Variants in GLTP observed in about 807,000 individuals in gnomAD.
GLTP encodes the protein glycolipid transfer protein.
In GLTP, 22 loss-of-function variants were observed where a neutral mutation model predicts 24.0. That is an observed-to-expected ratio of 0.92 (90% confidence interval 0.65 to 1.31). The LOEUF (loss-of-function observed/expected upper bound fraction) is 1.31, where lower values mean the gene tolerates loss of function less well. Among genes scored for constraint, GLTP ranks in the 50% most tolerant of loss-of-function variants. The pLI is 0.00. For synonymous variants in GLTP, 92 were observed against 115.9 expected (o/e 0.79, Z 1.33); for missense variants, 224 against 276.6 (o/e 0.81, Z 1.35).
rs961796485 is a variant in GLTP, at chr12:109,873,063, C to T, written c.103+7209G>A. 6.6e-5 allele frequency among the ~76,000 whole-genome samples: 10 copies of T among 152,160 alleles called. No individual in the cohort carries two copies. In the South Asian group the frequency reaches 1.2e-3, roughly 19 times the overall value. Reference sequence around the variant, plus strand: ...TTTTTAGCTCCTCAGCTATCATTAGCGTTAGTGTATTTCATGTGTGGCCCA... The same window carrying T: ...TTTTTAGCTCCTCAGCTATCATTAGTGTTAGTGTATTTCATGTGTGGCCCA... On this transcript the variant is annotated intron_variant, in intron 1 of 4. Transcript: ENST00000318348.
At position 109,880,434 on chromosome 12, in the gene GLTP, C is replaced by G. The variant is rs1303925987; in HGVS notation, c.-60G>C. ...GCGCCGCGGGCGTCGACACCGCCCC[C>G]CCGGCCGCCGCCGTCAGCGCCGGGG... is the stretch of plus-strand genomic sequence containing the variant. On this transcript the variant is annotated 5_prime_UTR_variant, in exon 1 of 5. Transcript: ENST00000318348. The surrounding 1 kb of genome is among the most constrained non-coding windows in gnomAD (Gnocchi z 5.1). 2 of 738,552 alleles carry G rather than the reference C, an allele frequency of 2.7e-6. No homozygotes were observed. The highest frequency in any genetic ancestry group is 3.8e-5 in the African/African-American group (2 of 53,018). 45.7% of individuals were successfully genotyped at this position (738,552 alleles called of 1,614,324 possible). A position where few individuals can be genotyped will look rare whatever the true frequency, so the allele number is the denominator to read the frequency against.
intron 4 of GLTP, among the ~76,000 whole-genome samples, chr12:109,854,348 AGAGT>A (rs1892767594): frequency 7.3e-6 from 1 of 137,350 alleles, no homozygotes; most frequent in South Asian, 2.4e-4. Flanking sequence ...CGACAGCGAC[AGAGT>A]GAGACCCTGT....
In GLTP at chr12:109,852,373, C is replaced by CAAA. The variant is rs56313678; in HGVS notation, c.*179_*181dup. 0.031 allele frequency: 8,803 copies of CAAA among 282,086 alleles called. 47 individuals are homozygous for CAAA. Among genetic ancestry groups the CAAA allele is most frequent in the South Asian group, 0.075 (1,442 of 19,218 alleles). The allele number at this position is 282,086 out of a possible 1,614,324, so 17.5% of individuals were successfully genotyped here. ...TATTTACTGGTCCTTTAGAATAGAC[C>CAAA]AAAAAAAAAAAAAAAAAAGACTTAA... On this transcript the variant is annotated 3_prime_UTR_variant, in exon 5 of 5. Coordinates refer to ENST00000318348, the MANE Select transcript of GLTP (RefSeq NM_016433.4).
Position 109,852,388 on chromosome 12 carries a change from A to AG in GLTP, c.*166_*167insC. ...TAGAATAGACCAAAAAAAAAAAAAA[A>AG]AAAGACTTAAAAAACGAGGGCTGTC... On this transcript the variant is annotated 3_prime_UTR_variant, in exon 5 of 5. Coordinates refer to ENST00000318348, the MANE Select transcript of GLTP (RefSeq NM_016433.4). The AG allele has an allele frequency of 1.8e-6, 1 of 548,070 alleles. No homozygotes were observed. The highest frequency in any genetic ancestry group is 2.8e-5 in the East Asian group (1 of 35,122). The allele number at this position is 548,070 out of a possible 1,614,324, so 34.0% of individuals were successfully genotyped here. A position where few individuals can be genotyped will look rare whatever the true frequency, so the allele number is the denominator to read the frequency against.
chr12:109,877,379 T>A (rs1332894190), intron 1 of GLTP, among the ~76,000 whole-genome samples: 1 of 152,214 alleles, frequency 6.6e-6, no homozygotes, highest in Non-Finnish European at 1.5e-5. Flanking sequence ...TGACAGATCT[T>A]CCTTGCAGAA....
In GLTP at chr12:109,858,688, T is replaced by G; in HGVS notation, c.157A>C (p.Ile53Leu). The G allele has an allele frequency of 1.2e-6, 2 of 1,612,474 alleles. No individual in the cohort carries two copies. The highest frequency in any genetic ancestry group is 1.7e-6 in the Non-Finnish European group (2 of 1,178,500). ...CTGCCCGGCCAGGTACATACCGTGA[T>G]GTTGCCGCTTATGTCTGCCTTGATG... ...TPIKADISGN[I>L]TKIKAVYDTN... The change falls in exon 2 of 5, where the codon ATC becomes CTC. Residue 53 changes from isoleucine to leucine, a missense_variant. Ile to Leu is a conservative substitution (Grantham distance 5). Transcript: ENST00000318348.
chr12:109,864,809 G>A (rs1024649747), intron 1 of GLTP, among the ~76,000 whole-genome samples: 1 of 152,066 alleles, frequency 6.6e-6, no homozygotes, highest in Non-Finnish European at 1.5e-5. Flanking sequence ...CAAGCATGTG[G>A]TGGCTTTTCT....
chr12:109,871,364 C>G (rs555720406), intron 1 of GLTP, among the ~76,000 whole-genome samples: 1 of 152,170 alleles, frequency 6.6e-6, no homozygotes, highest in Admixed American at 6.5e-5. Flanking sequence ...GGATTACAGG[C>G]ATGAGCCACT....
intron 1 of GLTP, among the ~76,000 whole-genome samples, chr12:109,878,082 C>T (rs1045835165): frequency 6.6e-6 from 1 of 152,168 alleles, no homozygotes; most frequent in Admixed American, 6.5e-5. Flanking sequence ...CCCCACAGCA[C>T]AGGGATTGCA....
chr12:109,855,546 G>C lies in GLTP; in HGVS notation c.447+73C>G. 1 of 1,370,084 alleles carries C rather than the reference G, an allele frequency of 7.3e-7. No individual in the cohort carries two copies. The highest frequency in any genetic ancestry group is 9.9e-7 in the Non-Finnish European group (1 of 1,009,956). The allele number at this position is 1,370,084 out of a possible 1,614,324, so 84.9% of individuals were successfully genotyped here. A position where few individuals can be genotyped will look rare whatever the true frequency, so the allele number is the denominator to read the frequency against. ...ACAGCCTCACAGGCCAGGAGGCCTC[G>C]GCTAAGCAGGGGCAGAGTGGGGAGC... On this transcript the variant is annotated intron_variant, in intron 4 of 4. Transcript: ENST00000318348. The surrounding 1 kb of genome is among the most constrained non-coding windows in gnomAD (Gnocchi z 4.1).
intron 1 of GLTP, among the ~76,000 whole-genome samples, chr12:109,867,729 G>C (rs1341570912): frequency 6.6e-6 from 1 of 151,942 alleles, no homozygotes; most frequent in African/African-American, 2.4e-5. Context: ...TATCACCAAG[G>C]ATGGGGTATA....
intron 1 of GLTP, among the ~76,000 whole-genome samples, chr12:109,874,545 C>A (rs948426762): frequency 1.3e-5 from 2 of 152,058 alleles, no homozygotes; most frequent in African/African-American, 4.8e-5. Context: ...TCAGCTCTTC[C>A]ATCTCTAGAC....
intron 4 of GLTP, 110 bp from the exon 5 acceptor site, chr12:109,852,847 G>A: frequency 1.5e-6 from 1 of 669,122 alleles, no homozygotes; most frequent in East Asian, 2.6e-5. Context: ...GCTGGACAGG[G>A]GGTTGTGCTA....
intron 1 of GLTP, chr12:109,866,298 T>A (rs927456857): frequency 1.3e-5 from 2 of 152,094 alleles, no homozygotes; most frequent in Admixed American, 6.6e-5. Flanking sequence ...GCATGGGAAT[T>A]TTGACCTGCT....
chr12:109,877,585 C>G (rs977552553), intron 1 of GLTP, among the ~76,000 whole-genome samples: 47 of 152,122 alleles, frequency 3.1e-4, no homozygotes, highest in Non-Finnish European at 6.6e-4. Flanking sequence ...AGCCCCACCA[C>G]CACAAAGAAT....
intron 1 of GLTP, among the ~76,000 whole-genome samples, chr12:109,879,867 A>G (rs1303667347): frequency 6.6e-6 from 1 of 151,964 alleles, no homozygotes; most frequent in Non-Finnish European, 1.5e-5. Flanking sequence ...GCGAGTTGAG[A>G]GCCATCAGAA....
chr12:109,877,503 G>C lies in GLTP; in HGVS notation c.103+2769C>G, dbSNP rs184617516. ...GGATAGTTTAGGTTGTCACAATCTGGGGAGGGGGTGCTACTGGCGTCTGGT... is the reference window on the plus strand; with the variant it reads ...GGATAGTTTAGGTTGTCACAATCTGCGGAGGGGGTGCTACTGGCGTCTGGT... On this transcript the variant is annotated intron_variant, in intron 1 of 4. Transcript: ENST00000318348. Among the ~76,000 whole-genome samples the C allele has an allele frequency of 2.3e-3, 350 of 152,226 alleles. 5 individuals are homozygous for C. The highest frequency in any genetic ancestry group is 1.2e-3 in the East Asian group (6 of 5,188).
In GLTP at chr12:109,880,190, G is replaced by A. The variant is rs1869027124; in HGVS notation, c.103+82C>T. On this transcript the variant is annotated intron_variant, in intron 1 of 4. Transcript: ENST00000318348. This position sits in a 1 kb window ranked among gnomAD's most constrained non-coding sequence, Gnocchi z 5.1. ...AGTACTTAGGGGTGTCTAGGGCAGA[G>A]ATGGTTAGGGGATGCTCGGGGGAAG... 1.2e-6 allele frequency: 1 copy of A among 801,108 alleles called. No homozygotes were observed. 49.6% of individuals were successfully genotyped at this position (801,108 alleles called of 1,614,324 possible). A position where few individuals can be genotyped will look rare whatever the true frequency, so the allele number is the denominator to read the frequency against.
chr12:109,873,143 T>C (rs571440740), intron 1 of GLTP, among the ~76,000 whole-genome samples: 1 of 152,158 alleles, frequency 6.6e-6, no homozygotes, highest in Admixed American at 6.5e-5. Context: ...ACCCCTGTTC[T>C]ATACAAAACC....
Sources: allele counts gnomAD v4.1 joint callset (sites outside exome capture counted in the v4.1 genomes callset), GRCh38; gene constraint gnomAD v4.1.1; non-coding constraint Gnocchi (gnomAD v3.1); transcripts MANE v1.5; gene names NCBI Gene and HGNC (gene_info 2026-07-23, HGNC 2026-07-21).